The following STK32B variants were observed in gnomAD, a reference collection of about 807,000 sequenced individuals.
STK32B encodes the protein serine/threonine kinase 32B, also known as serine/threonine-protein kinase 32B.
Under a neutral mutation model 52.6 loss-of-function variants are expected in STK32B, and 43 were observed. The observed-to-expected ratio is 0.82, with a 90% CI of 0.64 to 1.05. The LOEUF is 1.05. Ranked by LOEUF, STK32B falls within the 50% of genes least tolerant of loss-of-function variation. STK32B has a pLI of 0.00. For missense variants in STK32B, 621 were observed against 534.6 expected, an observed-to-expected ratio of 1.16 and a Z score of -1.59; for synonymous variants, 238 against 204.3, an observed-to-expected ratio of 1.17 and a Z score of -1.41.
chr4:5,474,153 T>G (rs528620271), intron 11 of STK32B, among the ~76,000 whole-genome samples: 26 of 152,162 alleles, frequency 1.7e-4, no homozygotes, highest in Non-Finnish European at 3.5e-4. Flanking sequence ...TGACTTCATC[T>G]GCTTAGGTGG....
intron 1 of STK32B, among the ~76,000 whole-genome samples, chr4:5,099,128 G>C (rs749278): frequency 3.9e-5 from 6 of 152,142 alleles, no homozygotes; most frequent in Non-Finnish European, 7.4e-5. Context: ...ACATTCCCTG[G>C]CTCATGACCT....
chr4:5,323,892 T>C (rs1235086661), intron 3 of STK32B, among the ~76,000 whole-genome samples: 1 of 152,126 alleles, frequency 6.6e-6, no homozygotes, highest in East Asian at 1.9e-4. Context: ...AGAGTCTAGG[T>C]TCTGGACATG....
At chr4:5,435,393 C>A (rs749254430) in intron 6 of STK32B, among the ~76,000 whole-genome samples, 39 of 152,154 alleles carry the variant, frequency 2.6e-4, no homozygotes, top group Non-Finnish European at 5.6e-4. Flanking sequence ...CTTTATCACA[C>A]ACGTGCCCCA....
At chr4:5,159,322 A>G (rs1577119712) in intron 2 of STK32B, among the ~76,000 whole-genome samples, 1 of 151,832 alleles carries the variant, frequency 6.6e-6, no homozygotes, top group East Asian at 1.9e-4. Context: ...AAATGCCAGT[A>G]TGGTGGCTAC....
chr4:5,172,771 T>G (rs1478143111), intron 3 of STK32B, among the ~76,000 whole-genome samples: 4 of 152,168 alleles, frequency 2.6e-5, no homozygotes, highest in African/African-American at 7.2e-5. Context: ...TAAAATTCTC[T>G]TTTTTGGTTG....
intron 3 of STK32B, among the ~76,000 whole-genome samples, chr4:5,316,306 ATATATTG>A (rs202037716): frequency 4.9e-5 from 3 of 60,712 alleles, no homozygotes; most frequent in South Asian, 4.7e-4. Context: ...TATATAATAT[ATATATTG>A]TATATTATAT....
intron 3 of STK32B, among the ~76,000 whole-genome samples, chr4:5,282,809 T>C (rs761659140): frequency 1.3e-5 from 2 of 152,168 alleles, no homozygotes; most frequent in Non-Finnish European, 2.9e-5. Context: ...AGCAGGATAG[T>C]ATGAGATTTC....
chr4:5,446,809 G>A (rs751087942), intron 7 of STK32B, 33 bp downstream of exon 7: 3 of 1,606,764 alleles, frequency 1.9e-6, no homozygotes, highest in Admixed American at 1.7e-5. Flanking sequence ...ACACACGAGG[G>A]GCTGTGCAGT....
intron 3 of STK32B, among the ~76,000 whole-genome samples, chr4:5,242,035 A>G (rs1455733989): frequency 1.3e-5 from 2 of 152,004 alleles, no homozygotes; most frequent in Non-Finnish European, 1.5e-5. Context: ...CACAATAAAC[A>G]TACATGTGCA....
At chr4:5,205,578 G>A (rs1254422416) in intron 3 of STK32B, among the ~76,000 whole-genome samples, 1 of 152,180 alleles carries the variant, frequency 6.6e-6, no homozygotes, top group Admixed American at 6.5e-5. Flanking sequence ...TCTGGCTGTG[G>A]CAGATACGGT....
intron 4 of STK32B, among the ~76,000 whole-genome samples, chr4:5,370,679 T>TA (rs893401726): frequency 2.8e-4 from 43 of 152,080 alleles, no homozygotes; most frequent in African/African-American, 8.0e-4. Flanking sequence ...CCTCATCTGT[T>TA]AAAAAAAATT....
intron 1 of STK32B, among the ~76,000 whole-genome samples, chr4:5,093,830 T>G (rs1019445282): frequency 4.6e-5 from 7 of 152,214 alleles, no homozygotes; most frequent in Non-Finnish European, 1.0e-4. Flanking sequence ...TCATCATGTT[T>G]AGTGCAATAC....
chr4:5,269,878 T>C (rs1167952903), intron 3 of STK32B, among the ~76,000 whole-genome samples: 1 of 147,650 alleles, frequency 6.8e-6, no homozygotes, highest in Non-Finnish European at 1.5e-5. Context: ...CTTTACAGTA[T>C]TTTAGAAATT....
chr4:5,335,805 A>G (rs1262874955), intron 4 of STK32B, among the ~76,000 whole-genome samples: 1 of 151,892 alleles, frequency 6.6e-6, no homozygotes, highest in African/African-American at 2.4e-5. Flanking sequence ...GAGTTTCTTA[A>G]TCCTGAGTTG....
chr4:5,056,392 T>C (rs867658298), intron 1 of STK32B, among the ~76,000 whole-genome samples: 2 of 152,250 alleles, frequency 1.3e-5, no homozygotes, highest in African/African-American at 4.8e-5. Flanking sequence ...TATTCACTTC[T>C]GTATCCTTAA....
chr4:5,348,848 G>T (rs1395173788), intron 4 of STK32B, among the ~76,000 whole-genome samples: 3 of 152,122 alleles, frequency 2.0e-5, no homozygotes, highest in Non-Finnish European at 2.9e-5. Context: ...GGGACCTGGG[G>T]GAATCATCAT....
chr4:5,019,541 C>G, the STK32B span: 1 of 1,308,696 alleles, frequency 7.6e-7, no homozygotes, highest in Admixed American at 4.0e-5. Context: ...GTGGGGCCAG[C>G]GCAGGCTGCG....
At chr4:5,345,266 A>C (rs1733373727) in intron 4 of STK32B, 1 of 151,824 alleles carries the variant, frequency 6.6e-6, no homozygotes, top group Non-Finnish European at 1.5e-5. Flanking sequence ...CATGTTATAA[A>C]ATTTAAAAGA....
intron 4 of STK32B, among the ~76,000 whole-genome samples, chr4:5,335,324 TC>T (rs1164326682): frequency 6.6e-6 from 1 of 152,190 alleles, no homozygotes; most frequent in Non-Finnish European, 1.5e-5. Context: ...AGTGATGATA[TC>T]CCCTTTATCA....
Sources: gnomAD v4.1 joint callset for allele counts (sites outside exome capture counted in the v4.1 genomes callset) on GRCh38, gnomAD v4.1.1 for gene constraint, MANE v1.5 for transcripts, NCBI Gene and HGNC (gene_info 2026-07-23, HGNC 2026-07-21) for gene names.